The following RTN4RL1 variants were observed in gnomAD, a reference collection of about 807,000 sequenced individuals.
The protein encoded by RTN4RL1 is reticulon-4 receptor-like 1.
In RTN4RL1, 7 loss-of-function variants were observed where a neutral mutation model predicts 25.6. The ratio of observed to expected loss-of-function variants is 0.27; its 90% CI spans 0.16 to 0.51. The LOEUF is 0.51. Ranked by LOEUF, RTN4RL1 falls within the 20% of genes least tolerant of loss-of-function variation. RTN4RL1 has a pLI of 0.97. For synonymous variants in RTN4RL1, 297 were observed against 288.2 expected (o/e 1.03, Z -0.31); for missense variants, 500 against 615.6 (o/e 0.81, Z 1.99).
In RTN4RL1 at chr17:1,972,470, G is replaced by A. The variant is rs1040685297; in HGVS notation, c.14-34662C>T. Among the ~76,000 whole-genome samples, 4 of 151,972 alleles carry A rather than the reference G, an allele frequency of 2.6e-5. No homozygotes were observed. In the East Asian group the frequency reaches 5.8e-4, roughly 22 times the overall value. On this transcript the variant is annotated intron_variant, in intron 1 of 1. Transcript: ENST00000331238. The stretch of plus-strand genomic sequence containing the variant: ...TGTGCCCCCTCTTAGATTTCTGGCC[G>A]CTCTCAGGCCACCCCTCCTGCTCCC...
chr17:1,968,019 C>T (rs553072053), intron 1 of RTN4RL1, among the ~76,000 whole-genome samples: 3 of 152,176 alleles, frequency 2.0e-5, no homozygotes, highest in East Asian at 1.9e-4. Context: ...CTTGACACAA[C>T]GCCCACCCGG....
At chr17:1,975,860 TAAAG>T (rs1299750339) in intron 1 of RTN4RL1, among the ~76,000 whole-genome samples, 1 of 151,978 alleles carries the variant, frequency 6.6e-6, no homozygotes, top group African/African-American at 2.4e-5. Context: ...TTATTTGAGA[TAAAG>T]AAAACCACTA....
chr17:1,986,612 C>T (rs2066888478), intron 1 of RTN4RL1, among the ~76,000 whole-genome samples: 1 of 152,098 alleles, frequency 6.6e-6, no homozygotes, highest in Non-Finnish European at 1.5e-5. Context: ...AGAACCCCCA[C>T]GGCCCCCAGA....
At chr17:1,962,916 A>C (rs1193464452) in intron 1 of RTN4RL1, among the ~76,000 whole-genome samples, 1 of 147,948 alleles carries the variant, frequency 6.8e-6, no homozygotes, top group Non-Finnish European at 1.5e-5. Flanking sequence ...AATGAAGTAT[A>C]TTACAGATCA....
intron 1 of RTN4RL1, among the ~76,000 whole-genome samples, chr17:2,009,151 T>C (rs933960928): frequency 1.3e-5 from 2 of 152,200 alleles, no homozygotes; most frequent in Admixed American, 6.5e-5. Flanking sequence ...TTCTATGTTG[T>C]ATGCTGTGGA....
At chr17:1,996,155 G>A (rs1364302488) in intron 1 of RTN4RL1, among the ~76,000 whole-genome samples, 1 of 152,192 alleles carries the variant, frequency 6.6e-6, no homozygotes, top group African/African-American at 2.4e-5. Flanking sequence ...TGCCTTCCAT[G>A]TGCCTTTTGA....
rs1340351568 is a variant in RTN4RL1 at position 2,009,586 on chromosome 17, C to T, written c.13+15267G>A. On this transcript the variant is annotated intron_variant, in intron 1 of 1. Coordinates refer to ENST00000331238, the MANE Select transcript of RTN4RL1 (RefSeq NM_178568.4). ...CAGCCTGGGCGACAGAGCAAGACTC[C>T]GTCTCAAAAAAAAAAAAAAAAGGCA... Among the ~76,000 whole-genome samples, 23 of 110,606 alleles carry T rather than the reference C, an allele frequency of 2.1e-4. 4 individuals carry two copies. Among genetic ancestry groups the T allele is most frequent in the African/African-American group, 6.3e-4 (17 of 27,134 alleles). The allele number at this position is 110,606 out of a possible 152,430, so 72.6% of individuals were successfully genotyped here.
chr17:1,971,724 G>A (rs1314814222), intron 1 of RTN4RL1, among the ~76,000 whole-genome samples: 9 of 151,880 alleles, frequency 5.9e-5, no homozygotes, highest in South Asian at 2.1e-4. Flanking sequence ...GCACTTTGGG[G>A]GGCAGAGGCG....
chr17:1,982,583 C>T (rs1265545692), intron 1 of RTN4RL1, among the ~76,000 whole-genome samples: 2 of 152,006 alleles, frequency 1.3e-5, no homozygotes, highest in African/African-American at 4.8e-5. Flanking sequence ...CACTGCACTC[C>T]AGCCTGGGGG....
intron 1 of RTN4RL1, among the ~76,000 whole-genome samples, chr17:1,959,126 C>T (rs1207661560): frequency 2.0e-5 from 3 of 152,244 alleles, no homozygotes; most frequent in Non-Finnish European, 2.9e-5. Flanking sequence ...TGGCCCAGGC[C>T]TCTTGGCCAC....
chr17:2,004,657 G>C (rs2066981662), intron 1 of RTN4RL1, among the ~76,000 whole-genome samples: 1 of 152,216 alleles, frequency 6.6e-6, no homozygotes, highest in African/African-American at 2.4e-5. Flanking sequence ...CGCCTTAGGG[G>C]ACTTCTCCCT....
intron 1 of RTN4RL1, among the ~76,000 whole-genome samples, chr17:1,970,908 C>T (rs184720884): frequency 6.6e-6 from 1 of 151,478 alleles, no homozygotes; most frequent in African/African-American, 2.4e-5. Flanking sequence ...CTGTAGGAGA[C>T]CCTCTCCCTA....
At chr17:2,021,710 A>C (rs995752316) in intron 1 of RTN4RL1, among the ~76,000 whole-genome samples, 9 of 151,828 alleles carry the variant, frequency 5.9e-5, no homozygotes, top group African/African-American at 1.7e-4. Context: ...ATGAACCAGC[A>C]CGCCCGGCTA....
At chr17:1,939,156 T>C (rs949657992) in intron 1 of RTN4RL1, among the ~76,000 whole-genome samples, 1 of 151,416 alleles carries the variant, frequency 6.6e-6, no homozygotes, top group East Asian at 1.9e-4. Context: ...ATCGAGACCA[T>C]CCTGGCTAAC....
chr17:2,017,682 T>TACATAC (rs970897024), intron 1 of RTN4RL1: 12 of 150,720 alleles, frequency 8.0e-5, no homozygotes, highest in African/African-American at 2.9e-4. Context: ...TTTCTGTACA[T>TACATAC]ACACACACAC....
chr17:1,951,541 T>C (rs979098656), intron 1 of RTN4RL1, among the ~76,000 whole-genome samples: 2 of 151,842 alleles, frequency 1.3e-5, no homozygotes, highest in Non-Finnish European at 2.9e-5. Flanking sequence ...AACCTCTGCC[T>C]CCGAGTTCAA....
At chr17:1,968,197 C>T (rs1389472218) in intron 1 of RTN4RL1, among the ~76,000 whole-genome samples, 1 of 152,202 alleles carries the variant, frequency 6.6e-6, no homozygotes, top group Admixed American at 6.5e-5. Context: ...GCTTTCCGCA[C>T]AGGTCCTCTG....
chr17:1,953,810 C>A (rs950638615), intron 1 of RTN4RL1, among the ~76,000 whole-genome samples: 1 of 152,222 alleles, frequency 6.6e-6, no homozygotes, highest in African/African-American at 2.4e-5. Flanking sequence ...AGTGACCCAC[C>A]CGCCTTGGCC....
chr17:1,950,937 AG>A (rs1915661538), intron 1 of RTN4RL1, among the ~76,000 whole-genome samples: 1 of 151,026 alleles, frequency 6.6e-6, no homozygotes, highest in Admixed American at 6.6e-5. Flanking sequence ...TGTGTGTGAA[AG>A]GAAGTTTGTT....
Sources: allele counts gnomAD v4.1 joint callset (sites outside exome capture counted in the v4.1 genomes callset), GRCh38; gene constraint gnomAD v4.1.1; transcripts MANE v1.5; gene names NCBI Gene and HGNC (gene_info 2026-07-23, HGNC 2026-07-21).